The following RB1 variants were observed in gnomAD, a reference collection of about 807,000 sequenced individuals.
The protein encoded by RB1 is RB transcriptional corepressor 1, also known as retinoblastoma-associated protein.
In RB1, 18 loss-of-function variants were observed where a neutral mutation model predicts 135.4. That is an observed-to-expected ratio of 0.13 (90% CI 0.09 to 0.20). The LOEUF is 0.20. Ranked by LOEUF, RB1 falls within the 10% of genes least tolerant of loss-of-function variation. The probability of loss-of-function intolerance (pLI) is 1.00; values close to 1 mark genes in which losing one functional copy is unlikely to be tolerated. For missense variants in RB1, 868 were observed against 1,110.0 expected (o/e 0.78, Z 3.10); for synonymous variants, 365 against 373.2 (o/e 0.98, Z 0.25).
At chr13:48,454,967 A>G (rs1401801079) in intron 18 of RB1, among the ~76,000 whole-genome samples, 1 of 152,216 alleles carries the variant, frequency 6.6e-6, no homozygotes, top group Non-Finnish European at 1.5e-5. Context: ...TCTAGCTGCT[A>G]TCTGAAGTAC....
chr13:48,393,140 C>T (rs1948623695), intron 17 of RB1, among the ~76,000 whole-genome samples: 1 of 152,186 alleles, frequency 6.6e-6, no homozygotes, highest in South Asian at 2.1e-4. Flanking sequence ...TGGAAGGATT[C>T]TACTCCTTCC....
rs895515821 is a variant in RB1 at position 48,339,197 on chromosome 13, A to T, written c.265-3402A>T. 2.0e-5 allele frequency among the ~76,000 whole-genome samples: 3 copies of T among 152,290 alleles called. No homozygotes were observed. In the East Asian group the frequency reaches 5.8e-4, roughly 29 times the overall value. On this transcript the variant is annotated intron_variant, in intron 2 of 26. Coordinates refer to ENST00000267163, the MANE Select transcript of RB1 (RefSeq NM_000321.3). ...CTGGGAGAACCACTACGCTCTTCAA[A>T]GCTGTCAGACAGGGACATTTAAGTC...
intron 2 of RB1, among the ~76,000 whole-genome samples, chr13:48,329,340 G>C (rs979771441): frequency 1.1e-4 from 16 of 152,110 alleles, no homozygotes; most frequent in Non-Finnish European, 2.1e-4. Flanking sequence ...CTGTGTTTCA[G>C]AAACTGTCTA....
At chr13:48,413,536 A>C (rs1948855140) in intron 17 of RB1, among the ~76,000 whole-genome samples, 1 of 152,206 alleles carries the variant, frequency 6.6e-6, no homozygotes, top group Non-Finnish European at 1.5e-5. Flanking sequence ...CTGTTTAATG[A>C]CTATGAAACA....
chr13:48,438,515 G>C (rs1290721111), intron 17 of RB1, among the ~76,000 whole-genome samples: 1 of 151,160 alleles, frequency 6.6e-6, no homozygotes, highest in African/African-American at 2.4e-5. Context: ...TTTTATTCTG[G>C]TACTTAGCAC....
Position 48,319,703 on chromosome 13 carries a change from T to C in RB1, c.264+12297T>C, listed in dbSNP as rs1311405915. On this transcript the variant is annotated intron_variant, in intron 2 of 26. Transcript: ENST00000267163. This position sits in a 1 kb window ranked among gnomAD's most constrained non-coding sequence, Gnocchi z 5.0. ...CTAGCTCTTCGTGGGATTTCAAGAG[T>C]GACTTGGTCGAATTTTCGTTTGGGT... is the stretch of plus-strand genomic sequence containing the variant. 3.9e-6 allele frequency: 1 copy of C among 255,172 alleles called. No homozygotes were observed. Among genetic ancestry groups the C allele is most frequent in the Non-Finnish European group, 8.1e-6 (1 of 123,006 alleles). The allele number at this position is 255,172 out of a possible 1,614,324, so 15.8% of individuals were successfully genotyped here. A position where few individuals can be genotyped will look rare whatever the true frequency, so the allele number is the denominator to read the frequency against.
intron 17 of RB1, among the ~76,000 whole-genome samples, chr13:48,413,786 T>C (rs1008419218): frequency 1.3e-5 from 2 of 152,200 alleles, no homozygotes. Flanking sequence ...ATCTTTGGTG[T>C]GGTGTTAATT....
chr13:48,344,944 A>G, intron 3 of RB1, 136 bp from the exon 4 acceptor site: 1 of 1,106,314 alleles, frequency 9.0e-7, no homozygotes, highest in Non-Finnish European at 1.3e-6. Flanking sequence ...GCAAAAAGTA[A>G]TTCCTTCCAA....
intron 2 of RB1, among the ~76,000 whole-genome samples, chr13:48,335,989 A>C (rs1952381740): frequency 1.3e-5 from 2 of 152,046 alleles, no homozygotes; most frequent in African/African-American, 4.8e-5. Context: ...AGAGGAAAAG[A>C]GAAGAGAATG....
intron 7 of RB1, among the ~76,000 whole-genome samples, chr13:48,361,287 C>A (rs198618): frequency 0.94 from 142,326 of 152,182 alleles, 66,962 homozygotes; most frequent in East Asian, 1. Flanking sequence ...TGTTAAAGAG[C>A]AATCAGCATG....
At chr13:48,399,871 ACT>A (rs898947961) in intron 17 of RB1, among the ~76,000 whole-genome samples, 26 of 151,932 alleles carry the variant, frequency 1.7e-4, no homozygotes, top group Non-Finnish European at 2.5e-4. Flanking sequence ...ATTTTAAAAC[ACT>A]CTGACATATG....
At chr13:48,399,646 G>A (rs1948675399) in intron 17 of RB1, among the ~76,000 whole-genome samples, 1 of 151,944 alleles carries the variant, frequency 6.6e-6, no homozygotes, top group Admixed American at 6.6e-5. Context: ...ACAACAATAA[G>A]AAAATCTAAA....
rs572048646 is a variant in RB1 at position 48,451,787 on chromosome 13, C to G, written c.1696-1206C>G. 4.7e-5 allele frequency among the ~76,000 whole-genome samples: 7 copies of G among 147,422 alleles called. No individual in the cohort carries two copies. In the East Asian group the frequency reaches 1.4e-3, roughly 29 times the overall value. The stretch of plus-strand genomic sequence containing the variant: ...AGGCTATTTATTACTGCCTCAATTT[C>G]AGAACATGTTATTGGTCTACTTAGG... On this transcript the variant is annotated intron_variant, in intron 17 of 26. Coordinates refer to ENST00000267163, the MANE Select transcript of RB1 (RefSeq NM_000321.3).
At chr13:48,429,966 A>G (rs773369362) in intron 17 of RB1, among the ~76,000 whole-genome samples, 1 of 152,230 alleles carries the variant, frequency 6.6e-6, no homozygotes, top group Admixed American at 6.5e-5. Context: ...AAATCTATAC[A>G]TTTAATGCCA....
At chr13:48,412,041 C>T (rs1413446424) in intron 17 of RB1, 4 of 1,613,270 alleles carry the variant, frequency 2.5e-6, no homozygotes, top group Non-Finnish European at 1.7e-6. Flanking sequence ...TCTTTTGGTT[C>T]TTAGAGTCTT....
intron 17 of RB1, among the ~76,000 whole-genome samples, chr13:48,402,592 G>C (rs533345094): frequency 4.7e-4 from 71 of 151,986 alleles, no homozygotes; most frequent in African/African-American, 1.7e-3. Context: ...GCCCAGGCTG[G>C]TCTCAAACTC....
chr13:48,403,317 C>G (rs1948710136), intron 17 of RB1, among the ~76,000 whole-genome samples: 1 of 151,898 alleles, frequency 6.6e-6, no homozygotes, highest in Admixed American at 6.6e-5. Context: ...CCTCCTTTCT[C>G]CCCGCAAACC....
At chr13:48,368,363 T>G (rs752906245) in intron 10 of RB1, among the ~76,000 whole-genome samples, 164 bp from the exon 11 acceptor site, 40 of 152,196 alleles carry the variant, frequency 2.6e-4, no homozygotes, top group Non-Finnish European at 5.1e-4. Flanking sequence ...AAAAATATTT[T>G]ATTTAAGCAG....
intron 17 of RB1, among the ~76,000 whole-genome samples, chr13:48,430,439 G>C (rs1012058256): frequency 6.6e-6 from 1 of 152,060 alleles, no homozygotes; most frequent in Non-Finnish European, 1.5e-5. Flanking sequence ...AAATGAGCAC[G>C]TTAGAAAAAT....
Sources: gnomAD v4.1 joint callset for allele counts (sites outside exome capture counted in the v4.1 genomes callset) on GRCh38, gnomAD v4.1.1 for gene constraint, Gnocchi (gnomAD v3.1) non-coding constraint, MANE v1.5 for transcripts, NCBI Gene and HGNC (gene_info 2026-07-23, HGNC 2026-07-21) for gene names.